MYO1E: variants seen among roughly 807,000 people sequenced by gnomAD.
The protein encoded by MYO1E is unconventional myosin-Ie.
A neutral mutation model predicts 151.1 loss-of-function variants in MYO1E; 68 were observed. The observed-to-expected ratio is 0.45, with a 90% CI of 0.37 to 0.55. The LOEUF (loss-of-function observed/expected upper bound fraction) is 0.55, where lower values mean the gene tolerates loss of function less well. Among genes scored for constraint, MYO1E ranks in the 20% least tolerant of loss-of-function variants. The probability of loss-of-function intolerance (pLI) is 0.00; values close to 1 mark genes in which losing one functional copy is unlikely to be tolerated. For synonymous variants in MYO1E, 601 were observed against 501.7 expected (o/e 1.20, Z -2.64); for missense variants, 1,363 against 1,389.3 (o/e 0.98, Z 0.30).
intron 26 of MYO1E, among the ~76,000 whole-genome samples, chr15:59,139,505 T>A (rs2079396179): frequency 6.7e-6 from 1 of 149,580 alleles, no homozygotes; most frequent in South Asian, 2.2e-4. Context: ...ACCCCCTTAT[T>A]ACTCTGCAGA....
chr15:59,307,023 C>T (rs747722), intron 1 of MYO1E, among the ~76,000 whole-genome samples: 22,333 of 152,088 alleles, frequency 0.15, 2,550 homozygotes, highest in African/African-American at 0.32. Context: ...GACTTGAGAA[C>T]GGGATGCAAG....
intron 6 of MYO1E, 58 bp from the exon 7 acceptor site, chr15:59,227,648 A>T: frequency 6.3e-7 from 1 of 1,595,632 alleles, no homozygotes; most frequent in South Asian, 1.1e-5. Context: ...GATGTCCCAA[A>T]CAGGCTTTGA....
Position 59,138,219 on chromosome 15 carries a change from T to C in MYO1E, c.3229A>G (p.Ile1077Val), listed in dbSNP as rs775712354. The C allele has an allele frequency of 6.2e-7, 1 of 1,614,100 alleles. No homozygotes were observed. Among genetic ancestry groups the C allele is most frequent in the East Asian group, 2.2e-5 (1 of 44,898 alleles). The change falls in exon 27 of 28, where the codon ATT (isoleucine) becomes GTT (valine). Residue 1077 changes from isoleucine (I) to valine (V), a missense_variant. Physicochemically the swap from Ile to Val is conservative, Grantham distance 29 (BLOSUM62 3). Transcript: ENST00000288235. ...TDELSFNANDIIDIIKEDPSG... is the reference protein window; with the variant it reads ...TDELSFNANDVIDIIKEDPSG... ...TTACCTTCTTTGATAATATCAATAA[T>C]GTCATTGGCATTAAAGCTGAGTTCG...
Position 59,308,803 on chromosome 15 carries a change from C to A in MYO1E, c.4-36354G>T, listed in dbSNP as rs895421935. Among the ~76,000 whole-genome samples the A allele has an allele frequency of 2.7e-5, 4 of 149,980 alleles. No individual in the cohort carries two copies. In the East Asian group the frequency reaches 7.8e-4, roughly 29 times the overall value. ...ACAGTGAGCGGTAATTGTGCCATTG[C>A]ACTTCAACCTGGTGACAAGAGCAAA... On this transcript the variant is annotated intron_variant, in intron 1 of 27. Transcript: ENST00000288235.
intron 4 of MYO1E, 82 bp downstream of exon 4, chr15:59,256,202 A>T: frequency 9.1e-7 from 1 of 1,103,792 alleles, no homozygotes; most frequent in Non-Finnish European, 1.4e-6. Context: ...GCTGTTGCAA[A>T]ACCACTGCTT....
In MYO1E at chr15:59,173,774, GTGTC is replaced by G. The variant is rs2079608873; in HGVS notation, c.2302_2305del (p.Asp768GlnfsTer12). 1 of 1,614,078 alleles carries G rather than the reference GTGTC, an allele frequency of 6.2e-7. No homozygotes were observed. ...GAACCTCCTGTCATACTTGGTGACT[GTGTC>G]TGCGAAATCAATCTTCTCCCTCTTG... On this transcript the variant is annotated frameshift_variant, in exon 21 of 28. Transcript: ENST00000288235. LOFTEE classifies it high-confidence loss of function.
chr15:59,243,115 T>TTC (rs1555413924), intron 4 of MYO1E, among the ~76,000 whole-genome samples: 3 of 151,006 alleles, frequency 2.0e-5, no homozygotes, highest in Non-Finnish European at 4.4e-5. Flanking sequence ...TTTTTTTTTT[T>TTC]CAAATATAGA....
intron 10 of MYO1E, among the ~76,000 whole-genome samples, chr15:59,216,723 CAT>C (rs1236977736): frequency 1.7e-5 from 2 of 116,416 alleles, no homozygotes; most frequent in Non-Finnish European, 3.4e-5. Context: ...CACACACACA[CAT>C]AATTATGCCA....
At chr15:59,323,716 G>A (rs2080643462) in intron 1 of MYO1E, among the ~76,000 whole-genome samples, 2 of 152,004 alleles carry the variant, frequency 1.3e-5, no homozygotes. Flanking sequence ...TTTGTCTGAT[G>A]ACTGCACTGA....
At chr15:59,330,651 T>C (rs1488486892) in intron 1 of MYO1E, among the ~76,000 whole-genome samples, 1 of 152,180 alleles carries the variant, frequency 6.6e-6, no homozygotes, top group African/African-American at 2.4e-5. Flanking sequence ...GCACCCTCCA[T>C]TCCATTTAAT....
chr15:59,274,773 C>T (rs1437902382), intron 1 of MYO1E, among the ~76,000 whole-genome samples: 3 of 152,258 alleles, frequency 2.0e-5, no homozygotes, highest in Admixed American at 6.5e-5. Flanking sequence ...CCTGACTGCC[C>T]CACCTCAGAG....
chr15:59,265,496 T>C (rs1449074204), intron 2 of MYO1E, among the ~76,000 whole-genome samples: 1 of 146,048 alleles, frequency 6.8e-6, no homozygotes, highest in Non-Finnish European at 1.5e-5. Context: ...AAGGAGATAT[T>C]CAGGAAAAAA....
At chr15:59,172,294 T>G (rs1010313443) in intron 21 of MYO1E, among the ~76,000 whole-genome samples, 8 of 151,846 alleles carry the variant, frequency 5.3e-5, no homozygotes, top group Non-Finnish European at 1.2e-4. Flanking sequence ...GAGGTGGAGG[T>G]TGCAGTGAGC....
At chr15:59,167,252 G>A (rs969240252) in intron 22 of MYO1E, among the ~76,000 whole-genome samples, 1 of 152,160 alleles carries the variant, frequency 6.6e-6, no homozygotes, top group African/African-American at 2.4e-5. Context: ...TCCAATTGGA[G>A]ATAAGTACTG....
At chr15:59,261,644 A>G (rs1315203211) in intron 2 of MYO1E, 135 bp from the exon 3 acceptor site, 14 of 658,250 alleles carry the variant, frequency 2.1e-5, no homozygotes, top group Non-Finnish European at 1.1e-5. Context: ...CTAAAAGATT[A>G]CAAGTAAAGA....
At chr15:59,178,302 G>A (rs2079637366) in intron 19 of MYO1E, 91 bp downstream of exon 19, 2 of 1,496,652 alleles carry the variant, frequency 1.3e-6, no homozygotes, top group Admixed American at 3.7e-5. Flanking sequence ...ATGAAGCGAA[G>A]AATGAGAAAA....
chr15:59,371,227 G>T (rs1044788095), intron 1 of MYO1E, among the ~76,000 whole-genome samples: 4 of 152,132 alleles, frequency 2.6e-5, no homozygotes, highest in African/African-American at 9.7e-5. Context: ...TTTGTGTGCA[G>T]GTTTCGATGG....
intron 16 of MYO1E, among the ~76,000 whole-genome samples, chr15:59,196,264 T>G (rs1317713591): frequency 6.6e-6 from 1 of 152,192 alleles, no homozygotes; most frequent in Non-Finnish European, 1.5e-5. Context: ...TTAATGCCTG[T>G]GCACTGGGTA....
chr15:59,147,527 G>A (rs2079448283), intron 26 of MYO1E, among the ~76,000 whole-genome samples: 1 of 143,292 alleles, frequency 7.0e-6, no homozygotes, highest in Admixed American at 7.7e-5. Context: ...GGGAGGCAGA[G>A]GTTGAGCTGC....
Sources: gnomAD v4.1 joint callset for allele counts (sites outside exome capture counted in the v4.1 genomes callset) on GRCh38, gnomAD v4.1.1 for gene constraint, MANE v1.5 for transcripts, NCBI Gene and HGNC (gene_info 2026-07-23, HGNC 2026-07-21) for gene names.